The following CEP97 variants were observed in gnomAD, a reference collection of about 807,000 sequenced individuals.
The protein encoded by CEP97 is centrosomal protein of 97 kDa.
A neutral mutation model predicts 73.1 loss-of-function variants in CEP97; 43 were observed. That is an observed-to-expected ratio of 0.59 (90% CI 0.46 to 0.76). CEP97 has a LOEUF of 0.76. CEP97 is among the 30% of genes least tolerant of loss of function. CEP97 has a pLI of 0.00. For missense variants in CEP97, 939 were observed against 1,014.0 expected (o/e 0.93, Z 1.00); for synonymous variants, 337 against 370.0 (o/e 0.91, Z 1.02).
chr3:101,724,786 G>A, intron 1 of CEP97, 67 bp downstream of exon 1: 1 of 1,530,926 alleles, frequency 6.5e-7, no homozygotes, highest in East Asian at 2.3e-5. Flanking sequence ...GTGGAGAGCA[G>A]AAAACCTAGG....
At chr3:101,730,228 GTTTTT>G (rs200862375) in intron 4 of CEP97, among the ~76,000 whole-genome samples, 6,946 of 115,524 alleles carry the variant, frequency 0.06, 231 homozygotes, top group Middle Eastern at 0.078. Context: ...GGCCGAGTCT[GTTTTT>G]TTGTTTTGTT....
chr3:101,752,799 A>C (rs1434862032), intron 6 of CEP97, among the ~76,000 whole-genome samples: 1 of 151,868 alleles, frequency 6.6e-6, no homozygotes, highest in Admixed American at 6.6e-5. Context: ...ATTCGTCTAA[A>C]TTTTTTTCAA....
intron 9 of CEP97, among the ~76,000 whole-genome samples, chr3:101,761,985 G>A (rs974535752): frequency 1.3e-5 from 2 of 152,162 alleles, no homozygotes; most frequent in Admixed American, 6.5e-5. Context: ...GAGACCTGGG[G>A]AAACAGAATA....
intron 6 of CEP97, among the ~76,000 whole-genome samples, chr3:101,752,594 T>C (rs1938867787): frequency 6.6e-6 from 1 of 152,212 alleles, no homozygotes; most frequent in Non-Finnish European, 1.5e-5. Context: ...TGTTCGTTTC[T>C]TTTTATTCTT....
At chr3:101,738,601 G>A (rs900863704) in intron 6 of CEP97, among the ~76,000 whole-genome samples, 2 of 152,122 alleles carry the variant, frequency 1.3e-5, no homozygotes, top group Non-Finnish European at 2.9e-5. Context: ...GGTACATAAC[G>A]AAATTACAGC....
chr3:101,741,079 T>C (rs1229672731), intron 6 of CEP97, among the ~76,000 whole-genome samples: 4 of 152,126 alleles, frequency 2.6e-5, no homozygotes, highest in Non-Finnish European at 5.9e-5. Flanking sequence ...AACAGTTATA[T>C]AGACAAATGG....
intron 9 of CEP97, among the ~76,000 whole-genome samples, chr3:101,762,265 A>G (rs921588051): frequency 1.4e-4 from 22 of 152,272 alleles, no homozygotes; most frequent in African/African-American, 5.1e-4. Context: ...TCACAGTTCA[A>G]AATTAAGGTT....
chr3:101,738,691 A>G (rs1938357129), intron 6 of CEP97, among the ~76,000 whole-genome samples: 1 of 152,234 alleles, frequency 6.6e-6, no homozygotes, highest in African/African-American at 2.4e-5. Context: ...AGCAGTGTGT[A>G]GAGGGAAATT....
In CEP97 at chr3:101,769,894, A is replaced by C. The variant is rs534415943; in HGVS notation, c.*4343A>C. On this transcript the variant is annotated 3_prime_UTR_variant, in exon 11 of 11. Coordinates refer to ENST00000341893, the MANE Select transcript of CEP97 (RefSeq NM_024548.4). ...AGCAGTCCTCACAGCCTTGGAAAGA[A>C]ATAGATAATTGTCTTCTTAAGATGA... The C allele has an allele frequency of 6.6e-6, 1 of 152,368 alleles. No individual in the cohort carries two copies. Among genetic ancestry groups the C allele is most frequent in the South Asian group, 2.1e-4 (1 of 4,834 alleles). 9.4% of individuals were successfully genotyped at this position (152,368 alleles called of 1,614,324 possible).
chr3:101,738,443 A>G (rs961495768), intron 6 of CEP97, among the ~76,000 whole-genome samples: 1 of 152,224 alleles, frequency 6.6e-6, no homozygotes, highest in Non-Finnish European at 1.5e-5. Context: ...ACATAATTGG[A>G]AATAAAACAC....
At chr3:101,729,079 C>A in intron 4 of CEP97, 142 bp downstream of exon 4, 1 of 612,050 alleles carries the variant, frequency 1.6e-6, no homozygotes, top group South Asian at 2.0e-5. Context: ...CATGGTGGGT[C>A]ATGCCTGTAA....
At chr3:101,735,966 G>A (rs780848202) in intron 6 of CEP97, among the ~76,000 whole-genome samples, 2 of 152,202 alleles carry the variant, frequency 1.3e-5, no homozygotes, top group Non-Finnish European at 2.9e-5. Context: ...CTTGCTGCCA[G>A]TACAGCAGTC....
chr3:101,742,484 A>C (rs1470670776), intron 6 of CEP97, among the ~76,000 whole-genome samples: 1 of 37,518 alleles, frequency 2.7e-5, no homozygotes, highest in Non-Finnish European at 4.9e-5. Flanking sequence ...AAACTAACAC[A>C]GGAACAGAAA....
In CEP97 at chr3:101,757,662, T is replaced by C. The variant is rs1295511022; in HGVS notation, c.1056T>C (p.Val352=). 1 of 1,613,322 alleles carries C rather than the reference T, an allele frequency of 6.2e-7. No individual in the cohort carries two copies. Among genetic ancestry groups the C allele is most frequent in the South Asian group, 1.1e-5 (1 of 91,068 alleles). The change falls in exon 9 of 11, where the codon GTT becomes GTC. Residue 352 remains valine, a synonymous_variant. Transcript: ENST00000341893. ...SEPVIQVNSW[V]GINSNDDQLF... is the part of the protein sequence containing the mutation. ...CCGTCATTCAAGTGAATTCTTGGGT[T>C]GGGATAAACAGTAATGATGATCAGT...
At chr3:101,763,061 A>C in intron 10 of CEP97, 1 of 1,231,174 alleles carries the variant, frequency 8.1e-7, no homozygotes, top group African/African-American at 1.6e-5. Context: ...CTTGATGATA[A>C]TTTCTTGAAA....
chr3:101,761,426 A>G (rs1177170690), intron 9 of CEP97, among the ~76,000 whole-genome samples: 1 of 152,208 alleles, frequency 6.6e-6, no homozygotes, highest in African/African-American at 2.4e-5. Context: ...TGAGGTCTCC[A>G]AAAACGATGA....
At position 101,763,277 on chromosome 3, in the gene CEP97, C is replaced by A. The variant is rs972005779; in HGVS notation, c.1893+717C>A. On this transcript the variant is annotated intron_variant, in intron 10 of 10. Coordinates refer to ENST00000341893, the MANE Select transcript of CEP97 (RefSeq NM_024548.4). Reference sequence around the variant, plus strand: ...ATTGATTTGTAAAGTTTTGTAGTTACCAACAATAGAGGAATGGTTAAATTA... The same window carrying A: ...ATTGATTTGTAAAGTTTTGTAGTTAACAACAATAGAGGAATGGTTAAATTA... 9.1e-5 allele frequency: 93 copies of A among 1,020,114 alleles called. No homozygotes were observed. In the African/African-American group the frequency reaches 1.6e-3, roughly 17 times the overall value. The allele number at this position is 1,020,114 out of a possible 1,614,324, so 63.2% of individuals were successfully genotyped here. A position where few individuals can be genotyped will look rare whatever the true frequency, so the allele number is the denominator to read the frequency against.
intron 6 of CEP97, among the ~76,000 whole-genome samples, chr3:101,746,699 C>G (rs183254076): frequency 1.1e-3 from 163 of 152,246 alleles, no homozygotes; most frequent in African/African-American, 2.2e-3. Context: ...AAACTAAAGA[C>G]CTTCTGCACA....
At chr3:101,726,461 T>TTAAA (rs1937891273) in intron 1 of CEP97, 133 bp from the exon 2 acceptor site, 1 of 493,908 alleles carries the variant, frequency 2.0e-6, no homozygotes, top group African/African-American at 2.0e-5. Context: ...AATTTTACAA[T>TTAAA]GTTGATATTT....
Sources: gnomAD v4.1 joint callset for allele counts (sites outside exome capture counted in the v4.1 genomes callset) on GRCh38, gnomAD v4.1.1 for gene constraint, MANE v1.5 for transcripts, NCBI Gene and HGNC (gene_info 2026-07-23, HGNC 2026-07-21) for gene names.